SSU72: variants seen among roughly 807,000 people sequenced by gnomAD.
SSU72 encodes SSU72 homolog, RNA polymerase II CTD phosphatase.
A neutral mutation model predicts 22.7 loss-of-function variants in SSU72; 12 were observed. That is an observed-to-expected ratio of 0.53 (90% CI 0.34 to 0.86). The LOEUF is 0.86. SSU72 is among the 40% of genes least tolerant of loss of function. The pLI is 0.02. For missense variants in SSU72, 151 were observed against 249.8 expected, an observed-to-expected ratio of 0.60 and a Z score of 2.67; for synonymous variants, 116 against 98.3, an observed-to-expected ratio of 1.18 and a Z score of -1.06.
chr1:1,554,337 A>C lies in SSU72; in HGVS notation c.225-9335T>G, dbSNP rs895456211. 2.0e-5 allele frequency among the ~76,000 whole-genome samples: 3 copies of C among 151,878 alleles called. No individual in the cohort carries two copies. Among genetic ancestry groups the C allele is most frequent in the African/African-American group, 7.3e-5 (3 of 41,318 alleles). Reference sequence around the variant, plus strand: ...CCCCACGAAGCTGAGCATGAGGCGGATCCGGACCACTCGGGGGTCCCCACG... The same window carrying C: ...CCCCACGAAGCTGAGCATGAGGCGGCTCCGGACCACTCGGGGGTCCCCACG... On this transcript the variant is annotated intron_variant, in intron 2 of 4. Transcript: ENST00000291386. The surrounding 1 kb of genome is among the most constrained non-coding windows in gnomAD (Gnocchi z 4.1).
chr1:1,545,119 A>C, intron 2 of SSU72, 117 bp from the exon 3 acceptor site: 1 of 1,289,318 alleles, frequency 7.8e-7, no homozygotes, highest in Admixed American at 2.0e-5. Flanking sequence ...AGCCGGGACG[A>C]AGGCCTGGAC....
chr1:1,566,416 TCAGGGCG>T (rs140986351), intron 1 of SSU72, among the ~76,000 whole-genome samples: 1,678 of 152,346 alleles, frequency 0.011, 29 homozygotes, highest in African/African-American at 0.038. Flanking sequence ...TCTGCCTGGC[TCAGGGCG>T]CAGGGCGCAC....
At chr1:1,570,963 T>C (rs1280390883) in intron 1 of SSU72, among the ~76,000 whole-genome samples, 2 of 127,380 alleles carry the variant, frequency 1.6e-5, no homozygotes, top group Admixed American at 1.6e-4. Context: ...TACAAAAAAT[T>C]TGGCCGGGCG....
intron 2 of SSU72, among the ~76,000 whole-genome samples, chr1:1,553,259 G>C: frequency 6.6e-6 from 1 of 151,922 alleles, no homozygotes; most frequent in Non-Finnish European, 1.5e-5. Flanking sequence ...CGGCCCCTCT[G>C]TGCCCCCTCA....
chr1:1,559,415 G>A (rs1642558427), intron 2 of SSU72, among the ~76,000 whole-genome samples: 1 of 152,086 alleles, frequency 6.6e-6, no homozygotes. Flanking sequence ...CCACAGAACT[G>A]GACACGCGAC....
chr1:1,562,085 C>T (rs1366796588), intron 2 of SSU72: 1 of 152,258 alleles, frequency 6.6e-6, no homozygotes, highest in Admixed American at 6.5e-5. Context: ...CAGAGACAGG[C>T]TCATCCTCTG....
At chr1:1,572,351 C>T (rs972875476) in intron 1 of SSU72, among the ~76,000 whole-genome samples, 15 of 146,726 alleles carry the variant, frequency 1.0e-4, no homozygotes, top group Non-Finnish European at 2.0e-4. Context: ...TAGTGTGAAC[C>T]CAGGAGGCGG....
At chr1:1,550,960 G>A (rs1435975077) in intron 2 of SSU72, among the ~76,000 whole-genome samples, 1 of 152,048 alleles carries the variant, frequency 6.6e-6, no homozygotes, top group Non-Finnish European at 1.5e-5. Flanking sequence ...CCAGGTTTCT[G>A]CTGTGGACAC....
intron 2 of SSU72, among the ~76,000 whole-genome samples, chr1:1,559,614 C>A (rs1274234334): frequency 6.6e-6 from 1 of 152,138 alleles, no homozygotes; most frequent in Non-Finnish European, 1.5e-5. Flanking sequence ...GGCTGGAGTC[C>A]AACAGCACAA....
chr1:1,557,290 A>G (rs1642532971), intron 2 of SSU72, among the ~76,000 whole-genome samples: 2 of 152,164 alleles, frequency 1.3e-5, no homozygotes, highest in Middle Eastern at 3.4e-3. Flanking sequence ...GTGCATGCCT[A>G]TAATCCCAGC....
chr1:1,561,575 A>C (rs539622987), intron 2 of SSU72: 8 of 152,048 alleles, frequency 5.3e-5, no homozygotes, highest in Admixed American at 5.2e-4. Flanking sequence ...TGCACCCATC[A>C]CTAACCAGGA....
intron 2 of SSU72, chr1:1,562,510 A>G (rs1320290802): frequency 6.6e-6 from 1 of 152,262 alleles, no homozygotes; most frequent in Non-Finnish European, 1.5e-5. Context: ...TCAGAGGTGA[A>G]GATGGGAAGA....
chr1:1,553,135 G>A (rs564188644), intron 2 of SSU72, among the ~76,000 whole-genome samples: 126 of 152,002 alleles, frequency 8.3e-4, no homozygotes, highest in African/African-American at 3.0e-3. Context: ...TTGGAGGAAA[G>A]CCGGTCTCTG....
At chr1:1,561,526 C>T (rs1379904904) in intron 2 of SSU72, 1 of 152,286 alleles carries the variant, frequency 6.6e-6, no homozygotes, top group East Asian at 1.9e-4. Context: ...GATTTGCTTT[C>T]GGGCTCTCAC....
At chr1:1,552,187 C>T (rs1427838405) in intron 2 of SSU72, among the ~76,000 whole-genome samples, 1 of 152,196 alleles carries the variant, frequency 6.6e-6, no homozygotes, top group Non-Finnish European at 1.5e-5. Flanking sequence ...CCGCGAAGCC[C>T]TCTGCTTGCT....
In SSU72 at chr1:1,574,594, G is replaced by C; in HGVS notation, c.-37C>G. On this transcript the variant is annotated 5_prime_UTR_variant, in exon 1 of 5. Coordinates refer to ENST00000291386, the MANE Select transcript of SSU72 (RefSeq NM_014188.3). ...CAAATCCCGCGGCTCTCCCGCTTGG[G>C]TTCCCACCCTACCGCGGCGCTTCCG... 6.4e-7 allele frequency: 1 copy of C among 1,560,804 alleles called. No individual in the cohort carries two copies. Among genetic ancestry groups the C allele is most frequent in the Non-Finnish European group, 8.7e-7 (1 of 1,155,638 alleles).
intron 1 of SSU72, among the ~76,000 whole-genome samples, chr1:1,566,403 G>C (rs549866344): frequency 6.6e-6 from 1 of 152,284 alleles, no homozygotes; most frequent in East Asian, 1.9e-4. Context: ...GCATCTGAAG[G>C]AATCTGCCTG....
At chr1:1,544,095 A>C in intron 3 of SSU72, 108 bp from the exon 4 acceptor site, 1 of 824,696 alleles carries the variant, frequency 1.2e-6, no homozygotes, top group South Asian at 1.6e-5. Flanking sequence ...GCCCAGCCCC[A>C]GTGGTTTCTG....
chr1:1,570,208 C>A (rs1338405300), intron 1 of SSU72, among the ~76,000 whole-genome samples: 3 of 150,754 alleles, frequency 2.0e-5, no homozygotes, highest in African/African-American at 7.3e-5. Context: ...GCAGGAGGAT[C>A]GTTTTAGCCC....
Sources: allele counts gnomAD v4.1 joint callset (sites outside exome capture counted in the v4.1 genomes callset), GRCh38; gene constraint gnomAD v4.1.1; non-coding constraint Gnocchi (gnomAD v3.1); transcripts MANE v1.5; gene names NCBI Gene and HGNC (gene_info 2026-07-23, HGNC 2026-07-21).